The following HCRTR2 variants were observed in gnomAD, a reference collection of about 807,000 sequenced individuals.
The protein encoded by HCRTR2 is hypocretin receptor 2.
In HCRTR2, 22 loss-of-function variants were observed where a neutral mutation model predicts 49.0. That is an observed-to-expected ratio of 0.45 (90% CI 0.32 to 0.64). The LOEUF (loss-of-function observed/expected upper bound fraction) is 0.64, where lower values mean the gene tolerates loss of function less well. HCRTR2 is among the 30% of genes least tolerant of loss of function. The pLI, the probability that HCRTR2 is intolerant of heterozygous loss-of-function variation, is 0.04. For missense variants in HCRTR2, 491 were observed against 559.4 expected (o/e 0.88, Z 1.23); for synonymous variants, 236 against 205.3 (o/e 1.15, Z -1.28).
intron 4 of HCRTR2, among the ~76,000 whole-genome samples, chr6:55,271,548 CA>C (rs1766972724): frequency 1.3e-5 from 2 of 151,976 alleles, no homozygotes; most frequent in Admixed American, 1.3e-4. Flanking sequence ...ATTATCAAAA[CA>C]AAAACTTTTG....
intron 1 of HCRTR2, among the ~76,000 whole-genome samples, chr6:55,153,675 C>T (rs1764692248): frequency 6.6e-6 from 1 of 151,812 alleles, no homozygotes; most frequent in Admixed American, 6.6e-5. Flanking sequence ...TCTTATGATT[C>T]AAATTTGCTT....
intron 1 of HCRTR2, among the ~76,000 whole-genome samples, chr6:55,166,693 C>T (rs898743853): frequency 7.2e-5 from 11 of 152,224 alleles, no homozygotes; most frequent in Middle Eastern, 3.4e-3. Flanking sequence ...AATAATTCAA[C>T]TCCCAGGCAT....
intron 1 of HCRTR2, among the ~76,000 whole-genome samples, chr6:55,230,569 C>T (rs1057148424): frequency 1.3e-5 from 2 of 152,176 alleles, no homozygotes. Context: ...GTCACCTAGC[C>T]TGATGACTGA....
chr6:55,148,849 C>A (rs1205158747), intron 1 of HCRTR2, among the ~76,000 whole-genome samples: 2 of 151,992 alleles, frequency 1.3e-5, no homozygotes, highest in Non-Finnish European at 2.9e-5. Flanking sequence ...ATTTTAAGAA[C>A]CAGCATTTTA....
rs142592811 is a variant in HCRTR2, at chr6:55,126,261, A to G, written c.-378+19716A>G. ...TCTCCCTGTCTTTGTGGATTTATCT[A>G]CCTTTGGTCTTTGATGTGGGTGACC... On this transcript the variant is annotated intron_variant, in intron 1 of 7. Transcript: ENST00000615358. 0.012 allele frequency among the ~76,000 whole-genome samples: 1,801 copies of G among 152,056 alleles called. 121 individuals are homozygous for G. In the East Asian group the frequency reaches 0.2, roughly 17 times the overall value.
At chr6:55,214,026 A>T (rs921213158) in intron 1 of HCRTR2, among the ~76,000 whole-genome samples, 1 of 152,078 alleles carries the variant, frequency 6.6e-6, no homozygotes, top group African/African-American at 2.4e-5. Context: ...CAGAGTGCAG[A>T]TGGAACCTAG....
chr6:55,281,497 G>A (rs1431472951), intron 6 of HCRTR2, among the ~76,000 whole-genome samples: 2 of 152,202 alleles, frequency 1.3e-5, no homozygotes, highest in African/African-American at 4.8e-5. Context: ...TTATGTGACT[G>A]CTATTGTGCT....
At chr6:55,203,989 C>T (rs1320436117) in intron 1 of HCRTR2, among the ~76,000 whole-genome samples, 1 of 152,012 alleles carries the variant, frequency 6.6e-6, no homozygotes, top group East Asian at 1.9e-4. Flanking sequence ...TGAAAATTGT[C>T]TCTAAGGGTG....
At chr6:55,236,774 A>AT (rs1264792838) in intron 1 of HCRTR2, among the ~76,000 whole-genome samples, 2 of 151,698 alleles carry the variant, frequency 1.3e-5, no homozygotes, top group Admixed American at 6.6e-5. Flanking sequence ...AGTGGGTGTG[A>AT]TTTTCTCTTA....
chr6:55,176,777 T>C lies in HCRTR2; in HGVS notation c.223+1967T>C, dbSNP rs75136426. Among the ~76,000 whole-genome samples the C allele has an allele frequency of 9.8e-5, 15 of 152,312 alleles. No homozygotes were observed. In the East Asian group the frequency reaches 2.9e-3, roughly 29 times the overall value. On this transcript the variant is annotated intron_variant, in intron 1 of 6. Coordinates refer to ENST00000370862, the MANE Select transcript of HCRTR2 (RefSeq NM_001384272.1). ...AATAGATTCTCTGCTCCTGATTGTC[T>C]GCAAGTTTATTAGATGTGTTCCTGT...
chr6:55,197,238 C>G (rs527928085), intron 1 of HCRTR2, among the ~76,000 whole-genome samples: 134 of 152,232 alleles, frequency 8.8e-4, no homozygotes, highest in African/African-American at 3.0e-3. Context: ...ACTTCTAACT[C>G]TAATCCTAAC....
intron 1 of HCRTR2, among the ~76,000 whole-genome samples, chr6:55,117,371 G>A (rs529881119): frequency 1.3e-5 from 2 of 151,622 alleles, no homozygotes; most frequent in East Asian, 1.9e-4. Flanking sequence ...AGTAAACAAG[G>A]GATTAGAATC....
intron 1 of HCRTR2, among the ~76,000 whole-genome samples, chr6:55,119,132 G>T (rs1012564547): frequency 1.3e-5 from 2 of 151,968 alleles, no homozygotes; most frequent in African/African-American, 2.4e-5. Flanking sequence ...CTTTTTCATG[G>T]CTGCACAGTA....
intron 1 of HCRTR2, among the ~76,000 whole-genome samples, chr6:55,128,193 G>T (rs567877512): frequency 6.6e-6 from 1 of 152,222 alleles, no homozygotes; most frequent in South Asian, 2.1e-4. Context: ...TTTCCCCATT[G>T]CTTGCTTTTG....
intron 1 of HCRTR2, among the ~76,000 whole-genome samples, chr6:55,245,471 A>T (rs1457508825): frequency 8.4e-5 from 4 of 47,752 alleles, no homozygotes; most frequent in Non-Finnish European, 1.6e-4. Context: ...GGAAGATTTT[A>T]TATATATATA....
chr6:55,137,206 A>T (rs1163642824), intron 1 of HCRTR2, among the ~76,000 whole-genome samples: 1 of 152,222 alleles, frequency 6.6e-6, no homozygotes, highest in Non-Finnish European at 1.5e-5. Flanking sequence ...TTTCTATGAC[A>T]GGAATGCCAG....
intron 1 of HCRTR2, among the ~76,000 whole-genome samples, chr6:55,241,038 A>G (rs1398065757): frequency 6.6e-6 from 1 of 151,354 alleles, no homozygotes; most frequent in Non-Finnish European, 1.5e-5. Flanking sequence ...TTAGTTACAT[A>G]TGTATACATG....
At chr6:55,164,208 C>A (rs1249014262) in intron 1 of HCRTR2, among the ~76,000 whole-genome samples, 4 of 152,158 alleles carry the variant, frequency 2.6e-5, no homozygotes, top group Non-Finnish European at 5.9e-5. Flanking sequence ...TTGTGGAAGA[C>A]AGTGTGGTGA....
chr6:55,139,391 C>G (rs914125905), intron 1 of HCRTR2, among the ~76,000 whole-genome samples: 5 of 152,148 alleles, frequency 3.3e-5, no homozygotes, highest in East Asian at 3.8e-4. Flanking sequence ...CAGAAGCCCT[C>G]CCCTATCTAT....
Sources: gnomAD v4.1 joint callset for allele counts (sites outside exome capture counted in the v4.1 genomes callset) on GRCh38, gnomAD v4.1.1 for gene constraint, MANE v1.5 for transcripts, NCBI Gene and HGNC (gene_info 2026-07-23, HGNC 2026-07-21) for gene names.